Variants in VWF observed in about 807,000 individuals in gnomAD.
The protein encoded by VWF is Factor VIII related antigen.
VWF carries 176 observed loss-of-function variants against 308.6 expected under a neutral mutation model. The observed-to-expected ratio is 0.57, with a 90% CI of 0.50 to 0.65. The LOEUF (loss-of-function observed/expected upper bound fraction) is 0.65, where lower values mean the gene tolerates loss of function less well. Ranked by LOEUF, VWF falls within the 30% of genes least tolerant of loss-of-function variation. VWF has a pLI of 0.00. For synonymous variants in VWF, 1,385 were observed against 1,443.4 expected, an observed-to-expected ratio of 0.96 and a Z score of 0.92; for missense variants, 3,146 against 3,648.2, an observed-to-expected ratio of 0.86 and a Z score of 3.55.
chr12:6,034,779 G>C lies in VWF; in HGVS notation c.2594C>G (p.Ala865Gly). The change falls in exon 20 of 52, where the codon GCC (alanine) becomes GGC (glycine). Residue 865 changes from alanine to glycine, a missense_variant. Ala to Gly is a moderately conservative substitution (Grantham distance 60). Transcript: ENST00000261405. ...GGCCATGCCGATCGTGGAGCACGTG[G>C]CATCACACACATGGTCTGTGCAGTT... is the stretch of plus-strand genomic sequence containing the variant. ...KWNCTDHVCD[A>G]TCSTIGMAHY... 1 of 1,614,248 alleles carries C rather than the reference G, an allele frequency of 6.2e-7. No homozygotes were observed. The highest frequency in any genetic ancestry group is 1.1e-5 in the South Asian group (1 of 91,088).
chr12:6,025,810 C>G, intron 23 of VWF, 96 bp downstream of exon 23: 1 of 1,606,058 alleles, frequency 6.2e-7, no homozygotes, highest in African/African-American at 1.3e-5. Context: ...GTCATACCAC[C>G]CACAACCCCC....
chr12:6,081,874 G>A (rs1248344927), intron 6 of VWF, among the ~76,000 whole-genome samples: 3 of 152,188 alleles, frequency 2.0e-5, no homozygotes, highest in African/African-American at 7.2e-5. Flanking sequence ...TCTGAAGCCA[G>A]ACAGCAAGGA....
intron 5 of VWF, among the ~76,000 whole-genome samples, chr12:6,101,648 C>T (rs866380698): frequency 6.6e-6 from 1 of 151,880 alleles, no homozygotes; most frequent in South Asian, 2.1e-4. Context: ...TGGTGGCGGG[C>T]GCCTGTAGTC....
chr12:5,965,236 G>A (rs560844813), intron 47 of VWF, among the ~76,000 whole-genome samples: 1 of 152,324 alleles, frequency 6.6e-6, no homozygotes, highest in East Asian at 1.9e-4. Flanking sequence ...TTAGGTCTGA[G>A]CAGCCAATTA....
chr12:5,992,260 C>A lies in VWF; in HGVS notation c.6599-242G>T, dbSNP rs557586501. Among the ~76,000 whole-genome samples the A allele has an allele frequency of 3.3e-5, 5 of 152,362 alleles. No homozygotes were observed. The South Asian group carries it at 1.0e-3, about 32-fold the overall frequency. ...GCTAAGTGTAGTCACATGACTAGTTCTGCCCAATGAACTGTAAAAGAAAGT... is the reference window on the plus strand; with the variant it reads ...GCTAAGTGTAGTCACATGACTAGTTATGCCCAATGAACTGTAAAAGAAAGT... On this transcript the variant is annotated intron_variant, in intron 37 of 51. Transcript: ENST00000261405.
Position 5,996,083 on chromosome 12 carries a change from G to T in VWF, c.5982C>A (p.Ser1994Arg). 1 of 1,613,992 alleles carries T rather than the reference G, an allele frequency of 6.2e-7. No individual in the cohort carries two copies. The highest frequency in any genetic ancestry group is 1.3e-5 in the African/African-American group (1 of 75,034). Residue 1994 changes from serine to arginine, a missense_variant, in exon 35 of 52, where the codon AGC becomes AGA. Transcript: ENST00000261405. ...LEVILHNGAC[S>R]PGARQGCMKS... ...TCATGCAGCCCTGCCTTGCTCCAGG[G>T]CTGCAGGCACCATTATGGAGAATCA...
At chr12:6,071,367 T>C in intron 9 of VWF, 24 bp from the exon 10 acceptor site, 1 of 1,613,946 alleles carries the variant, frequency 6.2e-7, no homozygotes, top group South Asian at 1.1e-5. Flanking sequence ...AAAGCACAGG[T>C]CATTGGTGGT....
intron 6 of VWF, among the ~76,000 whole-genome samples, chr12:6,092,620 T>TGAGAGTGAGAGAGAGAGAGAGAGA (rs1250915385): frequency 7.4e-4 from 66 of 89,414 alleles, no homozygotes; most frequent in Non-Finnish European, 1.2e-3. Flanking sequence ...TGAGTGAGAG[T>TGAGAGTGAGAGAGAGAGAGAGAGA]GTGTGTGTGT....
chr12:5,971,183 A>C (rs1943468857), intron 44 of VWF, among the ~76,000 whole-genome samples: 1 of 152,214 alleles, frequency 6.6e-6, no homozygotes, highest in Non-Finnish European at 1.5e-5. Flanking sequence ...CCACCTCCCT[A>C]AAACCACCAA....
chr12:6,026,556 T>C (rs1436290596), intron 22 of VWF, among the ~76,000 whole-genome samples: 1 of 152,074 alleles, frequency 6.6e-6, no homozygotes, highest in African/African-American at 2.4e-5. Flanking sequence ...ATAAATGTAA[T>C]CAGGAAGATA....
intron 42 of VWF, 85 bp downstream of exon 42, chr12:5,981,701 G>T (rs1458456832): frequency 7.0e-7 from 1 of 1,434,660 alleles, no homozygotes; most frequent in Non-Finnish European, 9.8e-7. Flanking sequence ...ATGGATGAAT[G>T]GATGGGTGGA....
intron 43 of VWF, among the ~76,000 whole-genome samples, chr12:5,971,984 A>C (rs1943482775): frequency 6.6e-6 from 1 of 152,190 alleles, no homozygotes; most frequent in African/African-American, 2.4e-5. Context: ...AGGAGCATTA[A>C]AGACAGCCCA....
intron 47 of VWF, among the ~76,000 whole-genome samples, chr12:5,959,856 T>C (rs1169354099): frequency 6.6e-6 from 1 of 151,570 alleles, no homozygotes; most frequent in East Asian, 1.9e-4. Flanking sequence ...TGAAGGAAAA[T>C]TTATATTTTA....
chr12:6,101,215 A>T (rs1945158174), intron 5 of VWF, among the ~76,000 whole-genome samples: 1 of 152,194 alleles, frequency 6.6e-6, no homozygotes, highest in South Asian at 2.1e-4. Flanking sequence ...ATGAGCTGAT[A>T]ATCCCCTTCT....
rs4021573 is a variant in VWF, at chr12:6,020,639, G to A, written c.3675-896C>T. 3.3e-5 allele frequency among the ~76,000 whole-genome samples: 5 copies of A among 152,384 alleles called. No individual in the cohort carries two copies. Among genetic ancestry groups the A allele is most frequent in the Admixed American group, 6.5e-5 (1 of 15,310 alleles). ...AGCCCACAGGTGAAATCAAGTGACC[G>A]TGTGGTGGAGACCAATATGGGCCAG... On this transcript the variant is annotated intron_variant, in intron 27 of 51. Coordinates refer to ENST00000261405, the MANE Select transcript of VWF (RefSeq NM_000552.5). This position sits in a 1 kb window ranked among gnomAD's most constrained non-coding sequence, Gnocchi z 4.3.
chr12:5,953,287 T>C (rs1300816348), intron 48 of VWF, among the ~76,000 whole-genome samples: 1 of 152,114 alleles, frequency 6.6e-6, no homozygotes, highest in Non-Finnish European at 1.5e-5. Flanking sequence ...AAGTACACTC[T>C]TGTCAAGAAG....
At chr12:5,956,449 C>T (rs780982807) in intron 47 of VWF, among the ~76,000 whole-genome samples, 8 of 151,970 alleles carry the variant, frequency 5.3e-5, no homozygotes, top group Admixed American at 2.0e-4. Context: ...TCCAGCCCTG[C>T]GTAGGCCTAG....
In VWF at chr12:5,982,686, G is replaced by GTGTCTTATT. The variant is rs1943620265; in HGVS notation, c.7081+455_7081+463dup. ...TAAATACAGAATTTGGTTTCTTGTC[G>GTGTCTTATT]TGTCTTATTTTAGTCCATCGCTATG... On this transcript the variant is annotated intron_variant, in intron 41 of 51. Coordinates refer to ENST00000261405, the MANE Select transcript of VWF (RefSeq NM_000552.5). Among the ~76,000 whole-genome samples the GTGTCTTATT allele has an allele frequency of 6.6e-5, 10 of 152,196 alleles. No individual in the cohort carries two copies. In the South Asian group the frequency reaches 1.9e-3, roughly 28 times the overall value.
chr12:5,962,237 C>T (rs1329586932), intron 47 of VWF, among the ~76,000 whole-genome samples: 1 of 152,172 alleles, frequency 6.6e-6, no homozygotes, highest in East Asian at 1.9e-4. Context: ...AATTGAAAAA[C>T]TCAACCTTGT....
Sources: gnomAD v4.1 joint callset for allele counts (sites outside exome capture counted in the v4.1 genomes callset) on GRCh38, gnomAD v4.1.1 for gene constraint, Gnocchi (gnomAD v3.1) non-coding constraint, MANE v1.5 for transcripts, NCBI Gene and HGNC (gene_info 2026-07-23, HGNC 2026-07-21) for gene names.